LRRK1: variants seen among roughly 807,000 people sequenced by gnomAD.
LRRK1 encodes leucine-rich repeat serine/threonine-protein kinase 1.
A neutral mutation model predicts 209.1 loss-of-function variants in LRRK1; 113 were observed. That is an observed-to-expected ratio of 0.54 (90% CI 0.46 to 0.63). The LOEUF (loss-of-function observed/expected upper bound fraction) is 0.63, where lower values mean the gene tolerates loss of function less well. Ranked by LOEUF, LRRK1 falls within the 30% of genes least tolerant of loss-of-function variation. The pLI is 0.00. For synonymous variants in LRRK1, 1,144 were observed against 1,099.7 expected (o/e 1.04, Z -0.80); for missense variants, 2,284 against 2,632.2 (o/e 0.87, Z 2.89).
rs1352298537 is a variant in LRRK1, at chr15:101,037,162, G to A, written c.2963+7930G>A. 1.3e-5 allele frequency among the ~76,000 whole-genome samples: 2 copies of A among 152,164 alleles called. 1 individual carries two copies. The highest frequency in any genetic ancestry group is 3.8e-4 in the East Asian group (2 of 5,202). Reference sequence around the variant, plus strand: ...GGGTTCTCAGGTCCCTAGGCAGCTGGCATGGTGTGGGTAATGGCAGTGGAA... The same window carrying A: ...GGGTTCTCAGGTCCCTAGGCAGCTGACATGGTGTGGGTAATGGCAGTGGAA... On this transcript the variant is annotated intron_variant, in intron 20 of 33. Transcript: ENST00000388948.
intron 2 of LRRK1, among the ~76,000 whole-genome samples, chr15:100,937,185 A>G (rs2042314327): frequency 6.6e-6 from 1 of 152,216 alleles, no homozygotes. Flanking sequence ...CATGAAGTTG[A>G]TAATGGTTCA....
intron 3 of LRRK1, among the ~76,000 whole-genome samples, chr15:100,979,575 G>A (rs781423359): frequency 5.5e-4 from 83 of 151,974 alleles, no homozygotes; most frequent in Middle Eastern, 3.2e-3. Flanking sequence ...AGAAAAATTG[G>A]TAAACTGGAC....
intron 2 of LRRK1, among the ~76,000 whole-genome samples, chr15:100,941,332 G>GTGTGTC (rs2042408634): frequency 3.8e-5 from 5 of 133,042 alleles, no homozygotes; most frequent in African/African-American, 1.5e-4. Flanking sequence ...GTGTGTCTGT[G>GTGTGTC]TCTCTGTGTG....
At chr15:100,962,113 G>C (rs1391927587) in intron 2 of LRRK1, among the ~76,000 whole-genome samples, 1 of 152,108 alleles carries the variant, frequency 6.6e-6, no homozygotes, top group Non-Finnish European at 1.5e-5. Flanking sequence ...CACTAAGCCA[G>C]GGTGAAACAC....
chr15:101,005,676 G>A (rs775622708), intron 6 of LRRK1, among the ~76,000 whole-genome samples: 12 of 152,174 alleles, frequency 7.9e-5, no homozygotes, highest in Non-Finnish European at 1.6e-4. Flanking sequence ...TTGTTTTGCC[G>A]GGAAGTAAGG....
chr15:101,051,995 A>C (rs2035479910), intron 24 of LRRK1, 35 bp downstream of exon 24: 4 of 1,598,088 alleles, frequency 2.5e-6, no homozygotes, highest in South Asian at 1.1e-5. Flanking sequence ...AACACAGTGC[A>C]GGTCACAGGG....
intron 20 of LRRK1, among the ~76,000 whole-genome samples, chr15:101,042,260 T>G (rs1464751170): frequency 5.5e-5 from 7 of 127,714 alleles, no homozygotes; most frequent in Non-Finnish European, 3.7e-5. Context: ...ATGTCTTTAT[T>G]AACACTCTAA....
rs775031497 is a variant in LRRK1, at chr15:101,012,979, G to A, written c.1419+834G>A. Among the ~76,000 whole-genome samples the A allele has an allele frequency of 5.3e-4, 81 of 152,164 alleles. 1 individual carries two copies. The highest frequency in any genetic ancestry group is 1.0e-3 in the Non-Finnish European group (68 of 68,032). Reference sequence around the variant, plus strand: ...CCTTGTCCACAGCCCCTGGGCCCCTGTTCTGAGTCTGTCTTCTCGTATTTC... The same window carrying A: ...CCTTGTCCACAGCCCCTGGGCCCCTATTCTGAGTCTGTCTTCTCGTATTTC... On this transcript the variant is annotated intron_variant, in intron 10 of 33. Coordinates refer to ENST00000388948, the MANE Select transcript of LRRK1 (RefSeq NM_024652.6).
Position 101,073,931 on chromosome 15 carries a change from C to T in LRRK1, c.*5083C>T, listed in dbSNP as rs1404772282. The T allele has an allele frequency of 6.6e-6, 1 of 152,196 alleles. No individual in the cohort carries two copies. Among genetic ancestry groups the T allele is most frequent in the African/African-American group, 2.4e-5 (1 of 41,454 alleles). The allele number at this position is 152,196 out of a possible 1,614,324, so 9.4% of individuals were successfully genotyped here. A position where few individuals can be genotyped will look rare whatever the true frequency, so the allele number is the denominator to read the frequency against. ...TCTGCAATGCCGCTTGACCCCAATA[C>T]AAACTCAACAGTAGTTCCAAATAGC... On this transcript the variant is annotated 3_prime_UTR_variant, in exon 34 of 34. Coordinates refer to ENST00000388948, the MANE Select transcript of LRRK1 (RefSeq NM_024652.6).
chr15:100,924,687 G>A lies in LRRK1; in HGVS notation c.55G>A (p.Glu19Lys), dbSNP rs1396018485. The change falls in exon 2 of 34, where the codon GAG becomes AAG. Residue 19 changes from glutamate to lysine, a missense_variant. This residue lies in a region of LRRK1 where 174 missense variants were observed against 133.5 expected (regional missense o/e 1.30). Transcript: ENST00000388948. ...PSMYWCVGPE[E>K]SAVCPERAME... ...CATGTACTGGTGTGTGGGGCCGGAG[G>A]AGTCAGCTGTGTGTCCAGAACGTGC... The A allele has an allele frequency of 2.5e-6, 4 of 1,614,088 alleles. No individual in the cohort carries two copies. The highest frequency in any genetic ancestry group is 3.4e-6 in the Non-Finnish European group (4 of 1,180,046).
intron 11 of LRRK1, 127 bp from the exon 12 acceptor site, chr15:101,015,199 T>C: frequency 1.4e-6 from 1 of 718,862 alleles, no homozygotes. Context: ...CGTGCGCCCC[T>C]GCCAGGCCCT....
chr15:101,049,923 G>A (rs2035308179), intron 23 of LRRK1, 140 bp downstream of exon 23: 1 of 908,948 alleles, frequency 1.1e-6, no homozygotes, highest in East Asian at 2.8e-5. Flanking sequence ...CAGCACTTTG[G>A]TGGGAGTCCT....
intron 30 of LRRK1, among the ~76,000 whole-genome samples, chr15:101,061,581 C>A (rs1485954713): frequency 6.6e-6 from 1 of 152,196 alleles, no homozygotes; most frequent in African/African-American, 2.4e-5. Flanking sequence ...TAGGGACGTG[C>A]CTGTGTTTCC....
At chr15:100,983,813 G>A in intron 4 of LRRK1, 114 bp downstream of exon 4, 1 of 1,113,026 alleles carries the variant, frequency 9.0e-7, no homozygotes, top group East Asian at 2.3e-5. Context: ...AAGAAATACA[G>A]GGTAGGCCAT....
In LRRK1 at chr15:101,045,427, C is replaced by G. The variant is rs530679128; in HGVS notation, c.2964-554C>G. Reference sequence around the variant, plus strand: ...AATGATGCAGCATTTTTATGATGACCGAGAGTGTTCTCGTAAAACATCCCT... The same window carrying G: ...AATGATGCAGCATTTTTATGATGACGGAGAGTGTTCTCGTAAAACATCCCT... On this transcript the variant is annotated intron_variant, in intron 20 of 33. Transcript: ENST00000388948. Among the ~76,000 whole-genome samples, 162 of 152,268 alleles carry G rather than the reference C, an allele frequency of 1.1e-3. 1 individual carries two copies. The highest frequency in any genetic ancestry group is 1.5e-3 in the Non-Finnish European group (105 of 68,022).
In LRRK1 at chr15:101,072,969, C is replaced by G. The variant is rs1216371603; in HGVS notation, c.*4121C>G. 6.3e-6 allele frequency: 1 copy of G among 159,664 alleles called. No homozygotes were observed. The highest frequency in any genetic ancestry group is 1.9e-4 in the East Asian group (1 of 5,400). The allele number at this position is 159,664 out of a possible 1,614,324, so 9.9% of individuals were successfully genotyped here. On this transcript the variant is annotated 3_prime_UTR_variant, in exon 34 of 34. Transcript: ENST00000388948. ...GGCGCGGGGGGAGGGGGGGGGGAAC[C>G]TCCCTTGGGAGATCAATCCCCTGTC...
At chr15:101,050,225 C>T (rs1218451331) in intron 23 of LRRK1, among the ~76,000 whole-genome samples, 1 of 152,348 alleles carries the variant, frequency 6.6e-6, no homozygotes, top group East Asian at 1.9e-4. Context: ...AGGGGCCTTG[C>T]TCTCCTCCCC....
At chr15:100,931,761 C>T (rs1214109206) in intron 2 of LRRK1, among the ~76,000 whole-genome samples, 3 of 152,146 alleles carry the variant, frequency 2.0e-5, no homozygotes, top group African/African-American at 4.8e-5. Flanking sequence ...CCAGCACCCA[C>T]GGGTTCAAAA....
intron 30 of LRRK1, 72 bp downstream of exon 30, chr15:101,061,360 C>T: frequency 9.7e-7 from 1 of 1,033,984 alleles, no homozygotes; most frequent in Non-Finnish European, 1.5e-6. Context: ...GTGGGGGCCA[C>T]ATTCATAAAA....
Sources: gnomAD v4.1 joint callset for allele counts (sites outside exome capture counted in the v4.1 genomes callset) on GRCh38, gnomAD v4.1.1 for gene constraint, gnomAD v4.1.1 regional missense constraint, MANE v1.5 for transcripts, NCBI Gene and HGNC (gene_info 2026-07-23, HGNC 2026-07-21) for gene names.